Variants in GABRG3 observed in about 807,000 individuals in gnomAD.
GABRG3 encodes the protein gamma-aminobutyric acid type A receptor subunit gamma3.
Under a neutral mutation model 48.8 loss-of-function variants are expected in GABRG3, and 25 were observed. The ratio of observed to expected loss-of-function variants is 0.51; its 90% CI spans 0.37 to 0.72. The LOEUF (loss-of-function observed/expected upper bound fraction) is 0.72, where lower values mean the gene tolerates loss of function less well. Ranked by LOEUF, GABRG3 falls within the 30% of genes least tolerant of loss-of-function variation. The pLI, the probability that GABRG3 is intolerant of heterozygous loss-of-function variation, is 0.00. For synonymous variants in GABRG3, 227 were observed against 217.6 expected (o/e 1.04, Z -0.38); for missense variants, 394 against 577.9 (o/e 0.68, Z 3.26).
chr15:27,371,376 G>A (rs946264862), intron 5 of GABRG3, among the ~76,000 whole-genome samples: 3 of 152,090 alleles, frequency 2.0e-5, no homozygotes, highest in Non-Finnish European at 4.4e-5. Context: ...TTGGTGAGGC[G>A]ATGCATATAA....
At chr15:27,242,795 A>G (rs1394880844) in intron 3 of GABRG3, among the ~76,000 whole-genome samples, 1 of 152,320 alleles carries the variant, frequency 6.6e-6, no homozygotes, top group East Asian at 1.9e-4. Context: ...ATTTGGGGTA[A>G]TTTGCTGTTT....
At chr15:27,078,358 T>C (rs1480468470) in intron 3 of GABRG3, among the ~76,000 whole-genome samples, 5 of 152,242 alleles carry the variant, frequency 3.3e-5, no homozygotes, top group Non-Finnish European at 5.9e-5. Context: ...GTTCCGTTTC[T>C]TTGGGGGACC....
chr15:27,061,855 T>G (rs1449883824), intron 3 of GABRG3, among the ~76,000 whole-genome samples: 1 of 152,154 alleles, frequency 6.6e-6, no homozygotes, highest in Non-Finnish European at 1.5e-5. Context: ...CCGCCCCGTG[T>G]GGAAATCCTG....
In GABRG3 at chr15:27,369,152, A is replaced by G. The variant is rs114154957; in HGVS notation, c.574+40264A>G. 4.7e-3 allele frequency among the ~76,000 whole-genome samples: 715 copies of G among 152,326 alleles called. 8 individuals are homozygous for G. Among genetic ancestry groups the G allele is most frequent in the African/African-American group, 0.016 (677 of 41,580 alleles). ...ATTTAAAGGATTTCTGAATTTTAGAAAGCTTCAGAAGTCACTTTATCCAGC... is the reference window on the plus strand; with the variant it reads ...ATTTAAAGGATTTCTGAATTTTAGAGAGCTTCAGAAGTCACTTTATCCAGC... On this transcript the variant is annotated intron_variant, in intron 5 of 9. Transcript: ENST00000615808.
intron 5 of GABRG3, among the ~76,000 whole-genome samples, chr15:27,396,647 G>A (rs75001428): frequency 0.042 from 6,391 of 152,244 alleles, 172 homozygotes; most frequent in Middle Eastern, 0.095. Flanking sequence ...TCTAGGAAAT[G>A]GAAACTCATG....
At chr15:27,351,314 G>A (rs2047606410) in intron 5 of GABRG3, among the ~76,000 whole-genome samples, 1 of 148,436 alleles carries the variant, frequency 6.7e-6, no homozygotes. Context: ...TGTGTATGGT[G>A]TATGTGTATG....
chr15:27,108,558 C>G (rs927177684), intron 3 of GABRG3, among the ~76,000 whole-genome samples: 1 of 152,222 alleles, frequency 6.6e-6, no homozygotes, highest in Middle Eastern at 3.4e-3. Context: ...CTGCTGTTGT[C>G]GGATGGAGTA....
At chr15:27,062,272 T>C (rs569953085) in intron 3 of GABRG3, among the ~76,000 whole-genome samples, 7 of 151,666 alleles carry the variant, frequency 4.6e-5, no homozygotes, top group South Asian at 4.2e-4. Context: ...GGCATGTGGG[T>C]GCTGGTGAGT....
Position 27,077,651 on chromosome 15 carries a change from T to C in GABRG3, c.270+50830T>C, listed in dbSNP as rs570283375. ...CACTCTGTCGATTTCCAGAATGTTT[T>C]GAGAAAATTGGGTAAAGATGGAAGC... On this transcript the variant is annotated intron_variant, in intron 3 of 9. Transcript: ENST00000615808. 3.3e-5 allele frequency among the ~76,000 whole-genome samples: 5 copies of C among 152,334 alleles called. No homozygotes were observed. In the East Asian group the frequency reaches 9.7e-4, roughly 29 times the overall value.
chr15:27,254,910 G>A (rs149359455), intron 3 of GABRG3, among the ~76,000 whole-genome samples: 96 of 134,496 alleles, frequency 7.1e-4, no homozygotes, highest in Admixed American at 4.8e-3. Context: ...GACAGACATG[G>A]AATGAGAGGT....
chr15:26,982,115 G>T (rs1356682292), intron 2 of GABRG3, among the ~76,000 whole-genome samples: 1 of 152,186 alleles, frequency 6.6e-6, no homozygotes, highest in Admixed American at 6.5e-5. Context: ...AAATTCAATT[G>T]TCACCACAGT....
intron 3 of GABRG3, among the ~76,000 whole-genome samples, chr15:27,241,653 A>G (rs1033889800): frequency 6.6e-6 from 1 of 152,210 alleles, no homozygotes; most frequent in Non-Finnish European, 1.5e-5. Flanking sequence ...TCTTTCATGC[A>G]CTATTTAATT....
intron 6 of GABRG3, among the ~76,000 whole-genome samples, chr15:27,486,805 C>T (rs1413679858): frequency 6.6e-6 from 1 of 152,146 alleles, no homozygotes; most frequent in Non-Finnish European, 1.5e-5. Context: ...ATTATTGACT[C>T]AATGTAGTTC....
intron 3 of GABRG3, among the ~76,000 whole-genome samples, chr15:27,198,574 G>A (rs1164823946): frequency 6.6e-6 from 1 of 152,174 alleles, no homozygotes; most frequent in African/African-American, 2.4e-5. Context: ...CAACCATTGT[G>A]GAAGACAGTG....
At chr15:27,140,482 T>G (rs984124260) in intron 3 of GABRG3, among the ~76,000 whole-genome samples, 5 of 152,222 alleles carry the variant, frequency 3.3e-5, no homozygotes, top group Non-Finnish European at 7.3e-5. Context: ...AGTATTTAAT[T>G]GATAGTTTAT....
intron 3 of GABRG3, among the ~76,000 whole-genome samples, chr15:27,259,251 T>A: frequency 6.6e-6 from 1 of 152,302 alleles, no homozygotes; most frequent in Non-Finnish European, 1.5e-5. Context: ...AAGGAAGTAG[T>A]GGCATTGCTG....
chr15:27,200,916 G>A (rs762745126), intron 3 of GABRG3, among the ~76,000 whole-genome samples: 1 of 152,074 alleles, frequency 6.6e-6, no homozygotes, highest in African/African-American at 2.4e-5. Flanking sequence ...GCTGCTTTGA[G>A]CTGTCTTCAG....
chr15:26,995,803 T>A (rs949948579), intron 2 of GABRG3, among the ~76,000 whole-genome samples: 1 of 152,272 alleles, frequency 6.6e-6, no homozygotes, highest in African/African-American at 2.4e-5. Context: ...ATATTACATC[T>A]CAATATATTA....
rs889867428 is a variant in GABRG3, at chr15:27,391,238, C to T, written c.574+62350C>T. Among the ~76,000 whole-genome samples, 4 of 152,126 alleles carry T rather than the reference C, an allele frequency of 2.6e-5. No homozygotes were observed. The East Asian group carries it at 7.7e-4, about 29-fold the overall frequency. ...TAGGCTTTATTATAGTTCTATTACACTTGTAAAGCAATATGCTGTTACAGG... is the reference window on the plus strand; with the variant it reads ...TAGGCTTTATTATAGTTCTATTACATTTGTAAAGCAATATGCTGTTACAGG... On this transcript the variant is annotated intron_variant, in intron 5 of 9. Coordinates refer to ENST00000615808, the MANE Select transcript of GABRG3 (RefSeq NM_033223.5).
Sources: gnomAD v4.1 joint callset for allele counts (sites outside exome capture counted in the v4.1 genomes callset) on GRCh38, gnomAD v4.1.1 for gene constraint, MANE v1.5 for transcripts, NCBI Gene and HGNC (gene_info 2026-07-23, HGNC 2026-07-21) for gene names.